MYCBP2: variants seen among roughly 807,000 people sequenced by gnomAD.
MYCBP2 encodes E3 ubiquitin-protein ligase MYCBP2.
A neutral mutation model predicts 525.3 loss-of-function variants in MYCBP2; 120 were observed. The observed-to-expected ratio is 0.23, with a 90% confidence interval of 0.20 to 0.27. The LOEUF (loss-of-function observed/expected upper bound fraction) is 0.27, where lower values mean the gene tolerates loss of function less well. Ranked by LOEUF, MYCBP2 falls within the 10% of genes least tolerant of loss-of-function variation. MYCBP2 has a pLI of 1.00. For synonymous variants in MYCBP2, 1,894 were observed against 1,955.8 expected, an observed-to-expected ratio of 0.97 and a Z score of 0.83; for missense variants, 4,149 against 5,657.1, an observed-to-expected ratio of 0.73 and a Z score of 8.55.
intron 80 of MYCBP2, among the ~76,000 whole-genome samples, chr13:77,053,459 C>T (rs1004158569): frequency 5.3e-5 from 8 of 152,070 alleles, no homozygotes; most frequent in Admixed American, 2.6e-4. Flanking sequence ...AAAAACAGGT[C>T]CAAAGACAGG....
At position 77,165,533 on chromosome 13, in the gene MYCBP2, G is replaced by T; in HGVS notation, c.6341-142C>A. On this transcript the variant is annotated intron_variant, in intron 41 of 82. Coordinates refer to ENST00000544440, the MANE Select transcript of MYCBP2 (RefSeq NM_015057.5). Reference sequence around the variant, plus strand: ...TACTACATAACTTAAATAGACTTGCGGCGGGGAGCGTTCCTATATCTACTT... The same window carrying T: ...TACTACATAACTTAAATAGACTTGCTGCGGGGAGCGTTCCTATATCTACTT... The T allele has an allele frequency of 5.0e-6, 3 of 601,126 alleles. No individual in the cohort carries two copies. In the South Asian group the frequency reaches 6.9e-5, roughly 14 times the overall value. 37.2% of individuals were successfully genotyped at this position (601,126 alleles called of 1,614,324 possible).
intron 62 of MYCBP2, among the ~76,000 whole-genome samples, chr13:77,083,618 A>G (rs553201594): frequency 6.6e-6 from 1 of 152,264 alleles, no homozygotes; most frequent in African/African-American, 2.4e-5. Flanking sequence ...TAACTCATAC[A>G]GCATTTTTAT....
At chr13:77,232,104 TTTTTG>T (rs1313025523) in intron 18 of MYCBP2, among the ~76,000 whole-genome samples, 1 of 152,204 alleles carries the variant, frequency 6.6e-6, no homozygotes, top group Non-Finnish European at 1.5e-5. Flanking sequence ...TTTGTTTATG[TTTTTG>T]TTTTGAGTGG....
At chr13:77,251,933 T>G (rs959078567) in intron 14 of MYCBP2, among the ~76,000 whole-genome samples, 9 of 152,124 alleles carry the variant, frequency 5.9e-5, no homozygotes, top group Non-Finnish European at 1.3e-4. Context: ...TGTTCATTCT[T>G]GCTCCCTCTG....
chr13:77,224,342 T>G, intron 20 of MYCBP2, 109 bp downstream of exon 20: 1 of 720,892 alleles, frequency 1.4e-6, no homozygotes, highest in Non-Finnish European at 2.3e-6. Flanking sequence ...TATAATATTA[T>G]TTTAATTCTA....
chr13:77,206,572 T>C, intron 24 of MYCBP2, 81 bp downstream of exon 24: 1 of 1,212,648 alleles, frequency 8.2e-7, no homozygotes, highest in Non-Finnish European at 1.1e-6. Context: ...CAGAATTACA[T>C]ATAAATTTAA....
rs557965462 is a variant in MYCBP2, at chr13:77,249,298, T to C, written c.2381+1853A>G. Among the ~76,000 whole-genome samples, 3 of 152,332 alleles carry C rather than the reference T, an allele frequency of 2.0e-5. No individual in the cohort carries two copies. The South Asian group carries it at 6.2e-4, about 32-fold the overall frequency. Reference sequence around the variant, plus strand: ...ATGTACTTTATCATAATAAGATATGTAGTCACAATTTTATAATAATTGAAG... The same window carrying C: ...ATGTACTTTATCATAATAAGATATGCAGTCACAATTTTATAATAATTGAAG... On this transcript the variant is annotated intron_variant, in intron 15 of 82. Transcript: ENST00000544440.
rs1438401415 is a variant in MYCBP2 at position 77,093,730 on chromosome 13, C to G, written c.10200-398G>C. ...CTCAGAGCCATTCTCTCTTCTCATT[C>G]CCTATCATCACTGCCTTGGTTCATG... On this transcript the variant is annotated intron_variant, in intron 58 of 82. Transcript: ENST00000544440. Among the ~76,000 whole-genome samples, 3 of 152,132 alleles carry G rather than the reference C, an allele frequency of 2.0e-5. No homozygotes were observed. The South Asian group carries it at 6.2e-4, about 32-fold the overall frequency.
In MYCBP2 at chr13:77,185,384, G is replaced by C; in HGVS notation, c.4445-7C>G. ...ACAACTGCTTTTCCTGTAGCTTTGA[G>C]GGGGAAAAAGCAGATTGGTAATTAA... On this transcript the variant is annotated splice_region_variant and splice_polypyrimidine_tract_variant and intron_variant, in intron 31 of 82. Coordinates refer to ENST00000544440, the MANE Select transcript of MYCBP2 (RefSeq NM_015057.5). 6.2e-7 allele frequency: 1 copy of C among 1,605,150 alleles called. No individual in the cohort carries two copies. The highest frequency in any genetic ancestry group is 8.5e-7 in the Non-Finnish European group (1 of 1,174,876).
intron 30 of MYCBP2, 90 bp downstream of exon 30, chr13:77,188,861 G>T: frequency 1.3e-6 from 1 of 785,168 alleles, no homozygotes; most frequent in Non-Finnish European, 1.9e-6. Context: ...TCTAGGCTAA[G>T]ATAAACTTAC....
At chr13:77,077,615 G>C in intron 66 of MYCBP2, 1 of 444,304 alleles carries the variant, frequency 2.3e-6, no homozygotes, top group Non-Finnish European at 3.9e-6. Context: ...CAGGTTAAGG[G>C]ATTTTCAGTA....
chr13:77,217,409 A>G (rs1391440205), intron 21 of MYCBP2, among the ~76,000 whole-genome samples: 1 of 152,180 alleles, frequency 6.6e-6, no homozygotes, highest in Non-Finnish European at 1.5e-5. Context: ...CAGAGGGTGG[A>G]AAAGGAAAAA....
At position 77,059,636 on chromosome 13, in the gene MYCBP2, A is replaced by G; in HGVS notation, c.13037-10T>C. On this transcript the variant is annotated splice_polypyrimidine_tract_variant and intron_variant, in intron 76 of 82. Transcript: ENST00000544440. ...CTCGTGGTGGGTTTGCCTAGGTTCA[A>G]GCAGAAAAATAAAAATCCTTCTTAT... is the stretch of plus-strand genomic sequence containing the variant. 1 of 1,605,528 alleles carries G rather than the reference A, an allele frequency of 6.2e-7. No individual in the cohort carries two copies. Among genetic ancestry groups the G allele is most frequent in the Non-Finnish European group, 8.5e-7 (1 of 1,172,480 alleles).
At chr13:77,313,200 T>A (rs1268766017) in intron 1 of MYCBP2, among the ~76,000 whole-genome samples, 3 of 152,122 alleles carry the variant, frequency 2.0e-5, no homozygotes, top group Admixed American at 1.3e-4. Context: ...ATTTGTGGGA[T>A]GTAACTAAAG....
chr13:77,157,743 CTCTCTCTCAAAA>C (rs2057385979), intron 45 of MYCBP2, among the ~76,000 whole-genome samples, 182 bp downstream of exon 45: 1 of 152,030 alleles, frequency 6.6e-6, no homozygotes, highest in African/African-American at 2.4e-5. Flanking sequence ...CAGTGAGACC[CTCTCTCTCAAAA>C]ACAAACAAAC....
chr13:77,114,511 T>C (rs1333788953), intron 55 of MYCBP2, among the ~76,000 whole-genome samples: 1 of 152,242 alleles, frequency 6.6e-6, no homozygotes, highest in East Asian at 1.9e-4. Context: ...CATAGTACTT[T>C]AGTGTGTTCA....
chr13:77,280,092 T>C (rs1367517996), intron 3 of MYCBP2, among the ~76,000 whole-genome samples: 1 of 152,224 alleles, frequency 6.6e-6, no homozygotes, highest in Non-Finnish European at 1.5e-5. Flanking sequence ...AAAAAACCAC[T>C]GCATCTCAGA....
rs1039371741 is a variant in MYCBP2, at chr13:77,118,371, C to T, written c.8140+3002G>A. ...GCTGAGGCTGCTGGAAGGAAAGGGG[C>T]TGTCCGAACACAAATGGGCTGTGTA... On this transcript the variant is annotated intron_variant, in intron 55 of 82. Coordinates refer to ENST00000544440, the MANE Select transcript of MYCBP2 (RefSeq NM_015057.5). The T allele has an allele frequency of 5.2e-6, 4 of 762,624 alleles. No homozygotes were observed. The African/African-American group carries it at 6.8e-5, about 13-fold the overall frequency. 47.2% of individuals were successfully genotyped at this position (762,624 alleles called of 1,614,324 possible).
intron 62 of MYCBP2, among the ~76,000 whole-genome samples, chr13:77,086,571 T>C (rs533500643): frequency 6.6e-6 from 1 of 152,134 alleles, no homozygotes; most frequent in Non-Finnish European, 1.5e-5. Context: ...AAACTCCAAG[T>C]AGGTAAGTTG....
Sources: gnomAD v4.1 joint callset for allele counts (sites outside exome capture counted in the v4.1 genomes callset) on GRCh38, gnomAD v4.1.1 for gene constraint, MANE v1.5 for transcripts, NCBI Gene and HGNC (gene_info 2026-07-23, HGNC 2026-07-21) for gene names.